Variants in FHAD1 observed in about 807,000 individuals in gnomAD.
FHAD1 encodes the protein forkhead-associated domain-containing protein 1.
In FHAD1, 146 loss-of-function variants were observed where a neutral mutation model predicts 191.3. The ratio of observed to expected loss-of-function variants is 0.76; its 90% CI spans 0.67 to 0.88. The LOEUF is 0.88. Among genes scored for constraint, FHAD1 ranks in the 40% least tolerant of loss-of-function variants. The pLI, the probability that FHAD1 is intolerant of heterozygous loss-of-function variation, is 0.00. For synonymous variants in FHAD1, 616 were observed against 672.3 expected, an observed-to-expected ratio of 0.92 and a Z score of 1.29; for missense variants, 1,635 against 1,785.8, an observed-to-expected ratio of 0.92 and a Z score of 1.52.
chr1:15,322,864 A>G (rs1436728397), intron 10 of FHAD1, among the ~76,000 whole-genome samples: 2 of 152,216 alleles, frequency 1.3e-5, no homozygotes. Flanking sequence ...GCTGTTAAAG[A>G]CACACCCGAA....
intron 2 of FHAD1, among the ~76,000 whole-genome samples, chr1:15,264,295 C>T (rs776593133): frequency 1.1e-4 from 17 of 152,068 alleles, no homozygotes; most frequent in African/African-American, 4.1e-4. Context: ...TTATTTGTAT[C>T]TTCTTTAATT....
intron 18 of FHAD1, 115 bp from the exon 19 acceptor site, chr1:15,348,927 G>A (rs780510859): frequency 7.2e-5 from 51 of 713,126 alleles, no homozygotes; most frequent in South Asian, 2.6e-4. Flanking sequence ...TTTAATAGCC[G>A]CCCCAACACT....
At chr1:15,370,180 T>C (rs1387181473) in intron 26 of FHAD1, among the ~76,000 whole-genome samples, 1 of 152,056 alleles carries the variant, frequency 6.6e-6, no homozygotes, top group Non-Finnish European at 1.5e-5. Flanking sequence ...TTTCACCATG[T>C]TACCCAGGCT....
chr1:15,371,781 CA>C (rs1271945183), intron 26 of FHAD1, among the ~76,000 whole-genome samples: 1 of 152,232 alleles, frequency 6.6e-6, no homozygotes, highest in Non-Finnish European at 1.5e-5. Context: ...ATCCTGTGAG[CA>C]GGCTGAAGAC....
chr1:15,394,130 A>G (rs1330719704), intron 33 of FHAD1, among the ~76,000 whole-genome samples: 1 of 152,166 alleles, frequency 6.6e-6, no homozygotes, highest in Non-Finnish European at 1.5e-5. Context: ...GAATCTGTGC[A>G]TTTCACATTC....
At chr1:15,350,488 G>A (rs1353810754) in intron 19 of FHAD1, among the ~76,000 whole-genome samples, 1 of 152,240 alleles carries the variant, frequency 6.6e-6, no homozygotes, top group Non-Finnish European at 1.5e-5. Context: ...GACTGTGTGA[G>A]GAATGAAACC....
chr1:15,382,063 A>G lies in FHAD1; in HGVS notation c.4058A>G (p.Gln1353Arg). The part of the protein sequence containing the change: ...SKVSIEMYQS[Q>R]VAKLEDDIYK... ...GTGTCCATTGAGATGTACCAGTCGC[A>G]GGTGGCAAAGCTGGAGGATGATATC... The change falls in exon 31 of 34, where the codon CAG (glutamine) becomes CGG (arginine). Residue 1353 changes from glutamine to arginine, a missense_variant. Gln to Arg is a conservative substitution (Grantham distance 43). Transcript: ENST00000688493. The G allele has an allele frequency of 6.4e-7, 1 of 1,552,166 alleles. No homozygotes were observed. Among genetic ancestry groups the G allele is most frequent in the Non-Finnish European group, 8.7e-7 (1 of 1,147,096 alleles).
At chr1:15,317,588 A>G (rs369999097) in intron 9 of FHAD1, among the ~76,000 whole-genome samples, 2 of 152,232 alleles carry the variant, frequency 1.3e-5, no homozygotes, top group African/African-American at 4.8e-5. Context: ...CTGACTTCCA[A>G]AAGAAACTAA....
chr1:15,357,820 T>G, intron 20 of FHAD1: 1 of 257,104 alleles, frequency 3.9e-6, no homozygotes. Context: ...TCCTCAAATA[T>G]TTAAAGGGCT....
Position 15,362,718 on chromosome 1 carries a change from A to G in FHAD1, c.3039A>G (p.Glu1013=). 1.3e-6 allele frequency: 2 copies of G among 1,551,588 alleles called. No homozygotes were observed. The highest frequency in any genetic ancestry group is 1.7e-6 in the Non-Finnish European group (2 of 1,146,882). ...GCAGTGCCAAAGACATGGCGTACGA[A>G]CATCTGATGTGAGTACCCGTGGGTG... The part of the protein sequence containing the change: ...TESSAKDMAY[E]HLIDDLLAAQ... Residue 1013 remains glutamate (E), a synonymous_variant, in exon 23 of 34, where the codon GAA becomes GAG. Coordinates refer to ENST00000688493, the MANE Select transcript of FHAD1 (RefSeq NM_001391957.1).
Position 15,381,396 on chromosome 1 carries a change from C to A in FHAD1, c.3967C>A (p.Leu1323Met), listed in dbSNP as rs376592019. The A allele has an allele frequency of 3.9e-6, 6 of 1,551,620 alleles. No individual in the cohort carries two copies. In the African/African-American group the frequency reaches 5.5e-5, roughly 14 times the overall value. The change falls in exon 30 of 34, where the codon CTG (leucine) becomes ATG (methionine). Residue 1323 changes from leucine (L) to methionine (M), a missense_variant. Leu to Met is a conservative substitution (Grantham distance 15, BLOSUM62 2). Coordinates refer to ENST00000688493, the MANE Select transcript of FHAD1 (RefSeq NM_001391957.1). This position sits in a 1 kb window ranked among gnomAD's most constrained non-coding sequence, Gnocchi z 4.6. ...FDKITQLKNQ[L>M]GRKEELLRGY... The stretch of plus-strand genomic sequence containing the variant: ...TAAGATCACCCAACTCAAGAACCAG[C>A]TGGGGAGGAAAGAGGAGCTGTTGAG...
At chr1:15,245,138 T>C (rs943089601), upstream of FHAD1, among the ~76,000 whole-genome samples, 9 of 152,330 alleles carry the variant, frequency 5.9e-5, no homozygotes, top group East Asian at 1.7e-3. Context: ...AAGCCATCCA[T>C]GAGGGATTCG....
chr1:15,330,348 C>G (rs753254660), intron 14 of FHAD1, among the ~76,000 whole-genome samples: 1 of 152,188 alleles, frequency 6.6e-6, no homozygotes, highest in Non-Finnish European at 1.5e-5. Flanking sequence ...TGCATGCATG[C>G]TTACCAGAGG....
chr1:15,380,293 G>A (rs1700605770), intron 28 of FHAD1, among the ~76,000 whole-genome samples: 1 of 152,080 alleles, frequency 6.6e-6, no homozygotes, highest in African/African-American at 2.4e-5. Context: ...GGGCATGTGT[G>A]GATGTCTAGT....
intron 26 of FHAD1, among the ~76,000 whole-genome samples, chr1:15,370,501 A>AG (rs1296940972): frequency 4.6e-5 from 7 of 152,150 alleles, no homozygotes; most frequent in Admixed American, 2.0e-4. Flanking sequence ...CTCTTGTGCA[A>AG]TGCTGTCGTT....
chr1:15,303,849 A>C (rs75245041), intron 6 of FHAD1, among the ~76,000 whole-genome samples: 8 of 108,548 alleles, frequency 7.4e-5, no homozygotes, highest in African/African-American at 4.8e-4. Flanking sequence ...ACTCTGTCTC[A>C]AAAAAAAAAA....
intron 20 of FHAD1, among the ~76,000 whole-genome samples, chr1:15,357,537 C>T (rs1182357884): frequency 1.3e-5 from 2 of 150,196 alleles, no homozygotes; most frequent in Admixed American, 6.7e-5. Flanking sequence ...GCAGGTGAAT[C>T]GCTTGAACCT....
intron 2 of FHAD1, among the ~76,000 whole-genome samples, chr1:15,258,751 A>C (rs1001359664): frequency 1.4e-5 from 1 of 71,188 alleles, no homozygotes; most frequent in Non-Finnish European, 2.4e-5. Context: ...ACGCCCGGCT[A>C]ATTTTTTTGT....
chr1:15,279,679 T>G (rs1383013028), intron 3 of FHAD1, among the ~76,000 whole-genome samples: 3 of 151,240 alleles, frequency 2.0e-5, no homozygotes, highest in Non-Finnish European at 2.9e-5. Context: ...ACTCAGCAGC[T>G]CTAGGAAAAG....
Sources: gnomAD v4.1 joint callset for allele counts (sites outside exome capture counted in the v4.1 genomes callset) on GRCh38, gnomAD v4.1.1 for gene constraint, Gnocchi (gnomAD v3.1) non-coding constraint, MANE v1.5 for transcripts, NCBI Gene and HGNC (gene_info 2026-07-23, HGNC 2026-07-21) for gene names.